The following HDAC9 variants were observed in gnomAD, a reference collection of about 807,000 sequenced individuals.
The protein encoded by HDAC9 is histone deacetylase 9, also known as MEF-2 interacting transcription repressor (MITR) protein.
In HDAC9, 41 loss-of-function variants were observed where a neutral mutation model predicts 139.4. The ratio of observed to expected loss-of-function variants is 0.29; its 90% confidence interval spans 0.23 to 0.38. HDAC9 has a LOEUF of 0.38. Among genes scored for constraint, HDAC9 ranks in the 10% least tolerant of loss-of-function variants. The pLI is 1.00. For missense variants in HDAC9, 1,147 were observed against 1,297.0 expected (o/e 0.88, Z 1.78); for synonymous variants, 517 against 476.2 (o/e 1.09, Z -1.12).
At chr7:18,706,334 AT>A (rs937743226) in intron 12 of HDAC9, among the ~76,000 whole-genome samples, 44 of 151,862 alleles carry the variant, frequency 2.9e-4, no homozygotes, top group African/African-American at 9.2e-4. Flanking sequence ...GACTTCGTTG[AT>A]TTTTTTCAAT....
In HDAC9 at chr7:18,788,304, T is replaced by G. The variant is rs961461311; in HGVS notation, c.2215-5041T>G. Among the ~76,000 whole-genome samples the G allele has an allele frequency of 2.2e-4, 34 of 152,124 alleles. 1 individual carries two copies. Among genetic ancestry groups the G allele is most frequent in the African/African-American group, 8.0e-4 (33 of 41,424 alleles). ...CACAGGCTCTCCCATATCATACCCC[T>G]TGGAGGATTGTGAGAACTTGAGACT... On this transcript the variant is annotated intron_variant, in intron 16 of 25. Transcript: ENST00000686413.
chr7:18,624,548 G>C (rs1841118841), intron 6 of HDAC9, among the ~76,000 whole-genome samples: 1 of 152,078 alleles, frequency 6.6e-6, no homozygotes, highest in South Asian at 2.1e-4. Context: ...GGTAATTAGT[G>C]TAACTAGGCA....
chr7:18,218,396 A>T (rs1419731325), intron 2 of HDAC9, among the ~76,000 whole-genome samples: 1 of 152,176 alleles, frequency 6.6e-6, no homozygotes, highest in African/African-American at 2.4e-5. Context: ...GTGAGCTGAG[A>T]TCACATCACT....
chr7:18,222,015 C>T (rs181651081), intron 2 of HDAC9, among the ~76,000 whole-genome samples: 160 of 152,226 alleles, frequency 1.1e-3, no homozygotes, highest in African/African-American at 3.4e-3. Flanking sequence ...CATGAATTTT[C>T]CATGTCACTC....
intron 1 of HDAC9, among the ~76,000 whole-genome samples, chr7:18,384,122 G>A (rs1484910513): frequency 6.6e-6 from 1 of 151,984 alleles, no homozygotes. Context: ...ATGAATCTAG[G>A]CAACATAGGA....
chr7:18,526,721 A>G (rs1005266907), intron 2 of HDAC9, among the ~76,000 whole-genome samples: 1 of 152,202 alleles, frequency 6.6e-6, no homozygotes, highest in Admixed American at 6.6e-5. Flanking sequence ...CAAAGGATCT[A>G]TGGCTTAGGA....
At chr7:18,632,969 T>C (rs1412584221) in intron 7 of HDAC9, among the ~76,000 whole-genome samples, 1 of 151,930 alleles carries the variant, frequency 6.6e-6, no homozygotes, top group Non-Finnish European at 1.5e-5. Context: ...AATACATACA[T>C]TGAGTTTTAC....
At chr7:18,159,334 A>T (rs1302237818) in intron 1 of HDAC9, among the ~76,000 whole-genome samples, 1 of 152,198 alleles carries the variant, frequency 6.6e-6, no homozygotes, top group Non-Finnish European at 1.5e-5. Context: ...TATAAGAATG[A>T]CTAATATATG....
intron 16 of HDAC9, among the ~76,000 whole-genome samples, chr7:18,790,454 G>C (rs1792202796): frequency 6.6e-6 from 1 of 152,174 alleles, no homozygotes; most frequent in African/African-American, 2.4e-5. Flanking sequence ...CAAGGGGAGA[G>C]TCCTCACCAG....
intron 2 of HDAC9, among the ~76,000 whole-genome samples, chr7:18,208,535 C>T (rs988023645): frequency 6.6e-6 from 1 of 152,024 alleles, no homozygotes; most frequent in Admixed American, 6.6e-5. Flanking sequence ...ACCACCACAC[C>T]TGACTAATTT....
intron 21 of HDAC9, chr7:18,851,503 C>T (rs1473568961): frequency 6.6e-6 from 1 of 152,320 alleles, no homozygotes; most frequent in Non-Finnish European, 1.5e-5. Context: ...GTCAATTAAA[C>T]CTCTTTTCTT....
chr7:18,472,433 C>A (rs1224317068), intron 1 of HDAC9, among the ~76,000 whole-genome samples: 2 of 152,146 alleles, frequency 1.3e-5, no homozygotes, highest in East Asian at 1.9e-4. Flanking sequence ...ACATGCGCAA[C>A]CCCCGGAAGC....
At position 18,113,404 on chromosome 7, in the gene HDAC9, G is replaced by A. The variant is rs566872102; in HGVS notation, c.-97+26191G>A. 1.4e-4 allele frequency among the ~76,000 whole-genome samples: 21 copies of A among 152,250 alleles called. No homozygotes were observed. The South Asian group carries it at 4.1e-3, about 30-fold the overall frequency. On this transcript the variant is annotated intron_variant, in intron 1 of 12. Transcript: ENST00000417496. ...TGAAGGCGCCTCATTGCATTTAAAT[G>A]CCAACTATTATTTCTTTTACTTAGC...
intron 2 of HDAC9, among the ~76,000 whole-genome samples, chr7:18,574,232 G>A (rs2128751525): frequency 6.6e-6 from 1 of 152,310 alleles, no homozygotes; most frequent in East Asian, 1.9e-4. Flanking sequence ...AGCTTTCAGT[G>A]GAGAGGAGAC....
intron 6 of HDAC9, among the ~76,000 whole-genome samples, chr7:18,621,287 AAC>A (rs1840141957): frequency 6.6e-6 from 1 of 151,792 alleles, no homozygotes. Context: ...TTACCTACAT[AAC>A]ACAAAGGGAA....
chr7:18,893,784 G>T (rs1305955204), intron 22 of HDAC9, among the ~76,000 whole-genome samples: 1 of 152,112 alleles, frequency 6.6e-6, no homozygotes, highest in Non-Finnish European at 1.5e-5. Flanking sequence ...GGAGGTTTGT[G>T]ATTTTTAAAA....
At chr7:18,104,129 A>T (rs1176104258) in intron 1 of HDAC9, among the ~76,000 whole-genome samples, 1 of 152,130 alleles carries the variant, frequency 6.6e-6, no homozygotes, top group East Asian at 1.9e-4. Context: ...GCATGTGCAA[A>T]CTCTATGCAC....
rs147500791 is a variant in HDAC9 at position 18,570,278 on chromosome 7, G to A, written c.23-15003G>A. Among the ~76,000 whole-genome samples, 4 of 152,254 alleles carry A rather than the reference G, an allele frequency of 2.6e-5. No individual in the cohort carries two copies. The East Asian group carries it at 7.7e-4, about 29-fold the overall frequency. On this transcript the variant is annotated intron_variant, in intron 2 of 25. Coordinates refer to ENST00000686413, the MANE Select transcript of HDAC9 (RefSeq NM_178425.4). ...GAAATATTAAATTTGGAATTCTTAA[G>A]TACAGAATTGTTCCTTAAAAAGAGT...
intron 1 of HDAC9, among the ~76,000 whole-genome samples, chr7:18,096,398 T>C (rs1328961375): frequency 1.3e-5 from 2 of 152,190 alleles, no homozygotes; most frequent in African/African-American, 4.8e-5. Flanking sequence ...GCAAACAACA[T>C]GATGAAAATT....
Sources: gnomAD v4.1 joint callset for allele counts (sites outside exome capture counted in the v4.1 genomes callset) on GRCh38, gnomAD v4.1.1 for gene constraint, MANE v1.5 for transcripts, NCBI Gene and HGNC (gene_info 2026-07-23, HGNC 2026-07-21) for gene names.